Variants in CNTN3 observed in about 807,000 individuals in gnomAD.
CNTN3 encodes the protein contactin-3.
Under a neutral mutation model 119.1 loss-of-function variants are expected in CNTN3, and 60 were observed. The observed-to-expected ratio is 0.50, with a 90% confidence interval of 0.41 to 0.62. The LOEUF (loss-of-function observed/expected upper bound fraction) is 0.62. Ranked by LOEUF, CNTN3 falls within the 20% of genes least tolerant of loss-of-function variation. CNTN3 has a pLI of 0.00. For missense variants in CNTN3, 1,101 were observed against 1,242.4 expected, an observed-to-expected ratio of 0.89 and a Z score of 1.71; for synonymous variants, 450 against 438.7, an observed-to-expected ratio of 1.03 and a Z score of -0.32.
intron 4 of CNTN3, among the ~76,000 whole-genome samples, chr3:74,430,705 C>T (rs1286019700): frequency 6.6e-6 from 1 of 152,034 alleles, no homozygotes; most frequent in East Asian, 1.9e-4. Context: ...CTGAACTGTC[C>T]TCTTTCTTGA....
At chr3:74,597,125 C>A (rs1171853071) in intron 1 of CNTN3, among the ~76,000 whole-genome samples, 1 of 152,086 alleles carries the variant, frequency 6.6e-6, no homozygotes, top group Non-Finnish European at 1.5e-5. Context: ...CATTAGTTCA[C>A]AGGTCTGACA....
chr3:74,427,534 A>C lies in CNTN3; in HGVS notation c.359-2594T>G, dbSNP rs79775377. 9.0e-3 allele frequency among the ~76,000 whole-genome samples: 1,371 copies of C among 152,304 alleles called. 16 individuals are homozygous for C. Among genetic ancestry groups the C allele is most frequent in the African/African-American group, 0.031 (1,307 of 41,558 alleles). ...AGATCATTAAAATATCTAGTGGAAG[A>C]TTATATGTGCCACCCAAATGTAAGT... On this transcript the variant is annotated intron_variant, in intron 4 of 22. Transcript: ENST00000263665.
chr3:74,308,674 T>A (rs1702614499), intron 13 of CNTN3, among the ~76,000 whole-genome samples: 1 of 152,114 alleles, frequency 6.6e-6, no homozygotes. Flanking sequence ...GAATTGGTGA[T>A]CTCAGGATGC....
chr3:74,589,268 C>A (rs1704655097), intron 1 of CNTN3, among the ~76,000 whole-genome samples: 1 of 151,482 alleles, frequency 6.6e-6, no homozygotes, highest in Non-Finnish European at 1.5e-5. Context: ...AAGAAAAAAA[C>A]AAACAACCGC....
At chr3:74,602,246 T>C (rs1466125941) in intron 1 of CNTN3, among the ~76,000 whole-genome samples, 1 of 129,940 alleles carries the variant, frequency 7.7e-6, no homozygotes, top group African/African-American at 3.1e-5. Flanking sequence ...CAGTAAGCCA[T>C]GATCGCACCA....
intron 3 of CNTN3, among the ~76,000 whole-genome samples, chr3:74,496,544 C>T (rs1703067368): frequency 6.6e-6 from 1 of 152,040 alleles, no homozygotes; most frequent in Non-Finnish European, 1.5e-5. Flanking sequence ...CCCAATCTCA[C>T]TGAAACAAGT....
intron 1 of CNTN3, among the ~76,000 whole-genome samples, chr3:74,558,311 T>A (rs1451725667): frequency 6.6e-6 from 1 of 152,126 alleles, no homozygotes; most frequent in African/African-American, 2.4e-5. Context: ...CTGAGGACAC[T>A]CTCAAACAAA....
rs1477496589 is a variant in CNTN3, at chr3:74,264,338, T to C, written c.*63A>G. On this transcript the variant is annotated 3_prime_UTR_variant, in exon 23 of 23. Transcript: ENST00000263665. ...AAAAAACATGCATAATCACTGCATT[T>C]CATGAAAGCACTTTTTTTGGTAACC... 2 of 849,818 alleles carry C rather than the reference T, an allele frequency of 2.4e-6. No individual in the cohort carries two copies. The highest frequency in any genetic ancestry group is 3.4e-6 in the Non-Finnish European group (2 of 586,062). The allele number at this position is 849,818 out of a possible 1,614,324, so 52.6% of individuals were successfully genotyped here.
intron 2 of CNTN3, among the ~76,000 whole-genome samples, chr3:74,507,607 T>C (rs1472554986): frequency 6.7e-6 from 1 of 148,408 alleles, no homozygotes; most frequent in Non-Finnish European, 1.5e-5. Flanking sequence ...CTGTTTCTTT[T>C]TCTTTTCTTT....
At chr3:74,557,022 A>G (rs1704079544) in intron 1 of CNTN3, among the ~76,000 whole-genome samples, 3 of 152,042 alleles carry the variant, frequency 2.0e-5, no homozygotes, top group African/African-American at 2.4e-5. Flanking sequence ...GTTTTTTTGT[A>G]TTCTAATATA....
chr3:74,580,301 T>C (rs1361802629), intron 1 of CNTN3, among the ~76,000 whole-genome samples: 1 of 152,278 alleles, frequency 6.6e-6, no homozygotes, highest in Admixed American at 6.5e-5. Context: ...TAGTCGTGAA[T>C]TCCAACATTA....
chr3:74,266,413 G>C (rs868538245), intron 22 of CNTN3, 68 bp downstream of exon 22: 1 of 1,427,556 alleles, frequency 7.0e-7, no homozygotes, highest in Middle Eastern at 1.8e-4. Flanking sequence ...GAGGGATACT[G>C]ATTGACTCAC....
intron 11 of CNTN3, among the ~76,000 whole-genome samples, chr3:74,343,059 C>T (rs1351974179): frequency 6.6e-6 from 1 of 152,170 alleles, no homozygotes; most frequent in Non-Finnish European, 1.5e-5. Context: ...CACTACTATT[C>T]TTCTATGCCT....
chr3:74,403,830 T>G (rs1559584428), intron 5 of CNTN3, among the ~76,000 whole-genome samples: 1 of 152,112 alleles, frequency 6.6e-6, no homozygotes, highest in South Asian at 2.1e-4. Flanking sequence ...TGGTTCTTTT[T>G]TTCTGTTTTG....
chr3:74,290,753 G>A (rs1198579550), intron 19 of CNTN3, among the ~76,000 whole-genome samples: 13 of 151,910 alleles, frequency 8.6e-5, no homozygotes, highest in African/African-American at 1.9e-4. Context: ...GTGCAGTGGC[G>A]TGATCTCGGC....
chr3:74,470,873 G>T (rs776360414), intron 4 of CNTN3, among the ~76,000 whole-genome samples: 4 of 29,456 alleles, frequency 1.4e-4, no homozygotes, highest in Admixed American at 2.9e-4. Context: ...TCGGTTTTTT[G>T]TTGTTGTTGT....
chr3:74,394,465 G>A (rs1024541546), intron 5 of CNTN3, among the ~76,000 whole-genome samples: 9 of 151,952 alleles, frequency 5.9e-5, no homozygotes, highest in African/African-American at 2.2e-4. Context: ...TGACATCAAG[G>A]GTGTACATTT....
intron 5 of CNTN3, among the ~76,000 whole-genome samples, chr3:74,401,122 A>G (rs944041531): frequency 6.6e-6 from 1 of 152,118 alleles, no homozygotes; most frequent in African/African-American, 2.4e-5. Context: ...CTGACAGGTT[A>G]TATGTGCCTG....
intron 10 of CNTN3, among the ~76,000 whole-genome samples, chr3:74,362,937 A>G (rs951637077): frequency 2.0e-5 from 3 of 152,198 alleles, no homozygotes; most frequent in Non-Finnish European, 4.4e-5. Context: ...AAAATTAAAA[A>G]TCATAAAAGA....
Sources: allele counts gnomAD v4.1 joint callset (sites outside exome capture counted in the v4.1 genomes callset), GRCh38; gene constraint gnomAD v4.1.1; transcripts MANE v1.5; gene names NCBI Gene and HGNC (gene_info 2026-07-23, HGNC 2026-07-21).